Variants in ARMH3 observed in about 807,000 individuals in gnomAD.
ARMH3 encodes armadillo like helical domain containing 3.
In ARMH3, 60 loss-of-function variants were observed where a neutral mutation model predicts 99.1. The ratio of observed to expected loss-of-function variants is 0.61; its 90% CI spans 0.49 to 0.75. ARMH3 has a LOEUF of 0.75. Among genes scored for constraint, ARMH3 ranks in the 30% least tolerant of loss-of-function variants. ARMH3 has a pLI of 0.00. For missense variants in ARMH3, 679 were observed against 843.1 expected (o/e 0.81, Z 2.41); for synonymous variants, 285 against 292.8 (o/e 0.97, Z 0.27).
chr10:102,021,158 C>G (rs1391834145), intron 8 of ARMH3, among the ~76,000 whole-genome samples: 54 of 151,908 alleles, frequency 3.6e-4, no homozygotes, highest in Non-Finnish European at 5.9e-5. Flanking sequence ...CTCACTGTAA[C>G]CTCCACCTCC....
chr10:102,036,208 T>C (rs2067262285), intron 2 of ARMH3, among the ~76,000 whole-genome samples: 1 of 122,492 alleles, frequency 8.2e-6, no homozygotes. Flanking sequence ...GGGAGGGAAG[T>C]GGGGGGTCAG....
Position 101,846,711 on chromosome 10 carries a change from CA to C in ARMH3, c.*816del, listed in dbSNP as rs1311460744. On this transcript the variant is annotated 3_prime_UTR_variant, in exon 26 of 26. Coordinates refer to ENST00000370033, the MANE Select transcript of ARMH3 (RefSeq NM_024541.3). ...GTGTGGTGGCTCACGCCTGTAATCCCAGCACTTTGGGAGGCCAAGGTGGGTG... is the reference window on the plus strand; with the variant it reads ...GTGTGGTGGCTCACGCCTGTAATCCCGCACTTTGGGAGGCCAAGGTGGGTG... 1 of 152,224 alleles carries C rather than the reference CA, an allele frequency of 6.6e-6. No homozygotes were observed. Among genetic ancestry groups the C allele is most frequent in the Admixed American group, 6.5e-5 (1 of 15,282 alleles). The allele number at this position is 152,224 out of a possible 1,614,324, so 9.4% of individuals were successfully genotyped here. A position where few individuals can be genotyped will look rare whatever the true frequency, so the allele number is the denominator to read the frequency against.
At chr10:102,044,520 G>A (rs895293145) in intron 1 of ARMH3, among the ~76,000 whole-genome samples, 35 of 152,028 alleles carry the variant, frequency 2.3e-4, no homozygotes, top group African/African-American at 8.0e-4. Context: ...ATAGGTGCGC[G>A]CCACCACACC....
chr10:101,985,244 A>G (rs948060549), intron 19 of ARMH3, among the ~76,000 whole-genome samples: 5 of 148,978 alleles, frequency 3.4e-5, no homozygotes, highest in Non-Finnish European at 5.9e-5. Flanking sequence ...ATGTATATAT[A>G]CGTGTGTATA....
rs567282156 is a variant in ARMH3, at chr10:101,933,056, G to A, written c.1781+6807C>T. On this transcript the variant is annotated intron_variant, in intron 23 of 25. Transcript: ENST00000370033. Reference sequence around the variant, plus strand: ...AAAAAATTAGCCTAGCGTGGTGGTGGGCACCTGTAGTCCCAGCTACTCGGA... The same window carrying A: ...AAAAAATTAGCCTAGCGTGGTGGTGAGCACCTGTAGTCCCAGCTACTCGGA... Among the ~76,000 whole-genome samples the A allele has an allele frequency of 2.0e-5, 3 of 152,214 alleles. No individual in the cohort carries two copies. In the South Asian group the frequency reaches 6.2e-4, roughly 32 times the overall value.
intron 20 of ARMH3, among the ~76,000 whole-genome samples, chr10:101,962,041 C>A (rs1420147377): frequency 1.3e-5 from 2 of 152,208 alleles, no homozygotes; most frequent in Non-Finnish European, 2.9e-5. Flanking sequence ...TCACCAAAGG[C>A]CTGACTCCTG....
intron 10 of ARMH3, among the ~76,000 whole-genome samples, chr10:102,012,401 A>G (rs2066650410): frequency 1.3e-5 from 2 of 152,344 alleles, no homozygotes; most frequent in Admixed American, 1.3e-4. Flanking sequence ...CCAATAAATA[A>G]GAAACATCTG....
intron 19 of ARMH3, among the ~76,000 whole-genome samples, chr10:101,988,141 G>GTAGA (rs1168660632): frequency 7.2e-5 from 11 of 152,160 alleles, no homozygotes; most frequent in Non-Finnish European, 1.5e-4. Flanking sequence ...TTACACAGCA[G>GTAGA]TAGATAACTA....
chr10:101,878,373 G>A (rs1017964918), intron 24 of ARMH3, among the ~76,000 whole-genome samples: 2 of 152,024 alleles, frequency 1.3e-5, no homozygotes, highest in Admixed American at 1.3e-4. Flanking sequence ...CATGTCTCAC[G>A]TCTGTATTCC....
At chr10:101,964,664 G>A (rs549517273) in intron 20 of ARMH3, among the ~76,000 whole-genome samples, 48 of 152,238 alleles carry the variant, frequency 3.2e-4, no homozygotes, top group African/African-American at 1.2e-3. Flanking sequence ...GAAATACCCA[G>A]AGTAATCAAA....
At chr10:101,859,018 G>A (rs895721880) in intron 24 of ARMH3, among the ~76,000 whole-genome samples, 1 of 152,160 alleles carries the variant, frequency 6.6e-6, no homozygotes, top group East Asian at 1.9e-4. Flanking sequence ...TCTTTGACAG[G>A]CTTCAAAAGC....
intron 23 of ARMH3, among the ~76,000 whole-genome samples, chr10:101,927,177 C>T (rs1262639869): frequency 6.6e-6 from 1 of 152,084 alleles, no homozygotes; most frequent in Admixed American, 6.6e-5. Context: ...TTCAGACACC[C>T]ATAAAAAGTT....
intron 15 of ARMH3, among the ~76,000 whole-genome samples, chr10:101,995,947 T>C (rs1014135994): frequency 6.6e-6 from 1 of 152,240 alleles, no homozygotes; most frequent in Non-Finnish European, 1.5e-5. Flanking sequence ...CACTACTATG[T>C]GGCAGGCACT....
At chr10:102,037,786 G>C (rs1013948638) in intron 2 of ARMH3, among the ~76,000 whole-genome samples, 1 of 151,804 alleles carries the variant, frequency 6.6e-6, no homozygotes, top group South Asian at 2.1e-4. Flanking sequence ...GGGGAGTCTC[G>C]ATATGTTGCC....
intron 22 of ARMH3, among the ~76,000 whole-genome samples, chr10:101,954,450 T>G (rs1482042049): frequency 6.6e-6 from 1 of 152,234 alleles, no homozygotes. Context: ...GGTTATATCA[T>G]TCCATCTATA....
rs1590168914 is a variant in ARMH3, at chr10:102,004,766, C to T, written c.1048+1774G>A. Among the ~76,000 whole-genome samples the T allele has an allele frequency of 3.3e-5, 5 of 152,274 alleles. No individual in the cohort carries two copies. In the South Asian group the frequency reaches 1.0e-3, roughly 32 times the overall value. ...AAGTAGGCAATCCTTACTACTTGCT[C>T]CTTCTCAGTAAGATATTTTGGGGCT... On this transcript the variant is annotated intron_variant, in intron 14 of 25. Coordinates refer to ENST00000370033, the MANE Select transcript of ARMH3 (RefSeq NM_024541.3).
intron 1 of ARMH3, among the ~76,000 whole-genome samples, chr10:102,042,298 G>A (rs1212139469): frequency 6.6e-6 from 1 of 152,224 alleles, no homozygotes; most frequent in African/African-American, 2.4e-5. Flanking sequence ...AGCAGGAAGA[G>A]TGGGAACCAC....
chr10:101,917,298 C>A (rs1216607706), intron 23 of ARMH3, among the ~76,000 whole-genome samples: 2 of 152,204 alleles, frequency 1.3e-5, no homozygotes, highest in Admixed American at 1.3e-4. Flanking sequence ...CTGACCTATA[C>A]CCTGTCCCTA....
intron 24 of ARMH3, among the ~76,000 whole-genome samples, chr10:101,852,825 C>T (rs2066636081): frequency 6.6e-6 from 1 of 151,626 alleles, no homozygotes; most frequent in Non-Finnish European, 1.5e-5. Context: ...TGCCCATGAT[C>T]TCAGCTCTCC....
Sources: gnomAD v4.1 joint callset for allele counts (sites outside exome capture counted in the v4.1 genomes callset) on GRCh38, gnomAD v4.1.1 for gene constraint, MANE v1.5 for transcripts, NCBI Gene and HGNC (gene_info 2026-07-23, HGNC 2026-07-21) for gene names.